The following CNPY1 variants were observed in gnomAD, a reference collection of about 807,000 sequenced individuals.
The protein encoded by CNPY1 is canopy FGF signaling regulator 1.
Under a neutral mutation model 14.4 loss-of-function variants are expected in CNPY1, and 14 were observed. The ratio of observed to expected loss-of-function variants is 0.97; its 90% CI spans 0.64 to 1.52. The LOEUF (loss-of-function observed/expected upper bound fraction) is 1.52. Among genes scored for constraint, CNPY1 ranks in the 40% most tolerant of loss-of-function variants. CNPY1 has a pLI of 0.00. For missense variants in CNPY1, 129 were observed against 131.5 expected (o/e 0.98, Z 0.09); for synonymous variants, 43 against 46.5 (o/e 0.92, Z 0.31).
rs192432169 is a variant in CNPY1, at chr7:155,509,003, G to A, written c.194C>T (p.Thr65Met). 5.9e-5 allele frequency: 96 copies of A among 1,613,744 alleles called. No individual in the cohort carries two copies. The African/African-American group carries it at 9.6e-4, about 16-fold the overall frequency. Reference sequence around the variant, plus strand: ...GAATCTCTTGAAAGTTCTCTCCTTCGTCACAGGGTCTTCCTCAAGCTTGTA... The same window carrying A: ...GAATCTCTTGAAAGTTCTCTCCTTCATCACAGGGTCTTCCTCAAGCTTGTA... ...NDYKLEEDPV[T>M]KERTFKRFAP... The change falls in exon 3 of 5, where the codon ACG becomes ATG. Residue 65 changes from threonine (T) to methionine (M), a missense_variant. Thr to Met is a moderately conservative substitution (Grantham distance 81, BLOSUM62 -1). Coordinates refer to ENST00000636446, the MANE Select transcript of CNPY1 (RefSeq NM_001393663.1).
At chr7:155,530,788 G>A (rs144385287) in intron 2 of CNPY1, among the ~76,000 whole-genome samples, 73 of 152,294 alleles carry the variant, frequency 4.8e-4, no homozygotes, top group African/African-American at 1.6e-3. Flanking sequence ...TGTGCTGTGG[G>A]GCCGCCCTGT....
Position 155,530,823 on chromosome 7 carries a change from C to T in CNPY1, c.99+15008G>A, listed in dbSNP as rs530851216. 2.0e-5 allele frequency among the ~76,000 whole-genome samples: 3 copies of T among 152,344 alleles called. No homozygotes were observed. In the South Asian group the frequency reaches 6.2e-4, roughly 32 times the overall value. On this transcript the variant is annotated intron_variant, in intron 2 of 4. Transcript: ENST00000636446. ...TGCACTGCGGTGCTGAGCAGCGTCCCTGGCCTCCACCCACTGCATACCAGG... is the reference window on the plus strand; with the variant it reads ...TGCACTGCGGTGCTGAGCAGCGTCCTTGGCCTCCACCCACTGCATACCAGG...
rs747646796 is a variant in CNPY1, at chr7:155,536,687, G to A, written c.99+9144C>T. Among the ~76,000 whole-genome samples the A allele has an allele frequency of 2.8e-4, 43 of 152,138 alleles. No individual in the cohort carries two copies. The highest frequency in any genetic ancestry group is 5.1e-4 in the Non-Finnish European group (35 of 68,032). On this transcript the variant is annotated intron_variant, in intron 2 of 4. Transcript: ENST00000636446. The surrounding 1 kb of genome is among the most constrained non-coding windows in gnomAD (Gnocchi z 4.1). The stretch of plus-strand genomic sequence containing the variant: ...ATGAACAGGACTCGGGCTTGGAGGA[G>A]GAGGAGCCACAAGACAGAAGGGCCT...
chr7:155,541,917 T>G (rs1366651920), intron 2 of CNPY1, among the ~76,000 whole-genome samples: 2 of 152,080 alleles, frequency 1.3e-5, no homozygotes, highest in Admixed American at 6.5e-5. Context: ...GTACTGTCTT[T>G]GCTGGGATTC....
At chr7:155,521,109 T>A (rs1424202766) in intron 2 of CNPY1, among the ~76,000 whole-genome samples, 3 of 144,322 alleles carry the variant, frequency 2.1e-5, no homozygotes, top group Non-Finnish European at 4.7e-5. Context: ...GAAGGAAGGC[T>A]GGCTCCCCTC....
intron 2 of CNPY1, among the ~76,000 whole-genome samples, chr7:155,532,168 G>A (rs573230284): frequency 3.3e-4 from 50 of 152,324 alleles, no homozygotes; most frequent in African/African-American, 1.1e-3. Context: ...AAAATTCAGC[G>A]TGATTGGTTT....
rs1283108104 is a variant in CNPY1, at chr7:155,536,930, G to T, written c.99+8901C>A. Reference sequence around the variant, plus strand: ...GTTTCTCTTTTTAAATAAGATAAAAGAGAAATAAAATAGAAGATGGTACAC... The same window carrying T: ...GTTTCTCTTTTTAAATAAGATAAAATAGAAATAAAATAGAAGATGGTACAC... On this transcript the variant is annotated intron_variant, in intron 2 of 4. Transcript: ENST00000636446. This position sits in a 1 kb window ranked among gnomAD's most constrained non-coding sequence, Gnocchi z 4.1. Among the ~76,000 whole-genome samples, 1 of 152,158 alleles carries T rather than the reference G, an allele frequency of 6.6e-6. No homozygotes were observed. The highest frequency in any genetic ancestry group is 6.5e-5 in the Admixed American group (1 of 15,274).
intron 4 of CNPY1, 31 bp downstream of exon 4, chr7:155,506,989 C>T: frequency 7.2e-7 from 1 of 1,395,084 alleles, no homozygotes. Context: ...GGTGTGCGAG[C>T]AGCGAGCACA....
At chr7:155,532,422 A>G (rs1308345718) in intron 2 of CNPY1, among the ~76,000 whole-genome samples, 1 of 151,648 alleles carries the variant, frequency 6.6e-6, no homozygotes. Context: ...GGAGATCAAG[A>G]CCATCTCGGC....
intron 2 of CNPY1, among the ~76,000 whole-genome samples, chr7:155,520,094 G>T (rs914833530): frequency 6.6e-6 from 1 of 152,146 alleles, no homozygotes; most frequent in African/African-American, 2.4e-5. Flanking sequence ...ATACATTCCC[G>T]TATGCTCATA....
chr7:155,517,130 C>T (rs935605623), intron 2 of CNPY1, among the ~76,000 whole-genome samples: 2 of 152,188 alleles, frequency 1.3e-5, no homozygotes, highest in Non-Finnish European at 2.9e-5. Flanking sequence ...ACCCCGGGAC[C>T]TCAGAATGAG....
rs756572073 is a variant in CNPY1, at chr7:155,536,342, A to T, written c.99+9489T>A. 6.6e-6 allele frequency among the ~76,000 whole-genome samples: 1 copy of T among 152,122 alleles called. No individual in the cohort carries two copies. Among genetic ancestry groups the T allele is most frequent in the Non-Finnish European group, 1.5e-5 (1 of 68,028 alleles). On this transcript the variant is annotated intron_variant, in intron 2 of 4. Coordinates refer to ENST00000636446, the MANE Select transcript of CNPY1 (RefSeq NM_001393663.1). The surrounding 1 kb of genome is among the most constrained non-coding windows in gnomAD (Gnocchi z 4.1). ...AAGCCTACGGGCCGCTCTGTGCTTG[A>T]GACCTATAGTCATAGGTTTCAGGAA...
intron 2 of CNPY1, among the ~76,000 whole-genome samples, chr7:155,516,864 G>A (rs529914438): frequency 9.9e-4 from 150 of 152,246 alleles, no homozygotes; most frequent in Non-Finnish European, 1.6e-3. Flanking sequence ...GCAGCCCTCC[G>A]GGAAGCCCTT....
chr7:155,507,563 T>C (rs1796369810), intron 3 of CNPY1, among the ~76,000 whole-genome samples: 1 of 150,534 alleles, frequency 6.6e-6, no homozygotes, highest in African/African-American at 2.5e-5. Context: ...ATAATCCATT[T>C]TGTGGCTTGA....
chr7:155,534,948 G>A (rs1001266995), intron 2 of CNPY1, among the ~76,000 whole-genome samples: 19 of 152,132 alleles, frequency 1.2e-4, no homozygotes, highest in African/African-American at 4.3e-4. Context: ...TGAGGAGGTC[G>A]GCGGTTCTCT....
chr7:155,505,379 T>C (rs1321095288), intron 4 of CNPY1, among the ~76,000 whole-genome samples: 2 of 152,264 alleles, frequency 1.3e-5, no homozygotes, highest in African/African-American at 4.8e-5. Context: ...GGTTTCATTT[T>C]ATACTTGCAA....
chr7:155,526,256 T>C (rs1313910714), intron 2 of CNPY1, among the ~76,000 whole-genome samples: 1 of 152,244 alleles, frequency 6.6e-6, no homozygotes, highest in Non-Finnish European at 1.5e-5. Flanking sequence ...TAAACGGCTC[T>C]GGTACACGCT....
chr7:155,520,547 C>T (rs1038114108), intron 2 of CNPY1, among the ~76,000 whole-genome samples: 1 of 144,580 alleles, frequency 6.9e-6, no homozygotes, highest in Admixed American at 7.2e-5. Context: ...AAGTGATTCT[C>T]ATGCCTCAGC....
At chr7:155,518,667 T>A (rs1350008033) in intron 2 of CNPY1, 1 of 152,212 alleles carries the variant, frequency 6.6e-6, no homozygotes, top group Non-Finnish European at 1.5e-5. Context: ...AGTAAGATCT[T>A]TTACTGTATT....
Sources: gnomAD v4.1 joint callset for allele counts (sites outside exome capture counted in the v4.1 genomes callset) on GRCh38, gnomAD v4.1.1 for gene constraint, Gnocchi (gnomAD v3.1) non-coding constraint, MANE v1.5 for transcripts, NCBI Gene and HGNC (gene_info 2026-07-23, HGNC 2026-07-21) for gene names.